CRLS1: variants seen among roughly 807,000 people sequenced by gnomAD.
The protein encoded by CRLS1 is cardiolipin synthase 1.
CRLS1 carries 24 observed loss-of-function variants against 37.0 expected under a neutral mutation model. That is an observed-to-expected ratio of 0.65 (90% CI 0.47 to 0.91). The LOEUF (loss-of-function observed/expected upper bound fraction) is 0.91, where lower values mean the gene tolerates loss of function less well. CRLS1 is among the 40% of genes least tolerant of loss of function. The pLI is 0.00. For synonymous variants in CRLS1, 135 were observed against 159.7 expected (o/e 0.85, Z 1.17); for missense variants, 373 against 395.8 (o/e 0.94, Z 0.49).
chr20:6,032,129 T>A, intron 5 of CRLS1, 49 bp downstream of exon 5: 1 of 1,385,012 alleles, frequency 7.2e-7, no homozygotes, highest in Non-Finnish European at 1.0e-6. Flanking sequence ...AAATTTTTAT[T>A]ATACAGGATA....
At chr20:6,011,999 A>G (rs1168471459) in intron 2 of CRLS1, among the ~76,000 whole-genome samples, 4 of 149,880 alleles carry the variant, frequency 2.7e-5, no homozygotes, top group Non-Finnish European at 5.9e-5. Context: ...GATCTTTTTC[A>G]GTTACTGTAG....
intron 3 of CRLS1, among the ~76,000 whole-genome samples, chr20:6,021,142 C>T (rs144688810): frequency 6.6e-6 from 1 of 150,426 alleles, no homozygotes; most frequent in Non-Finnish European, 1.5e-5. Flanking sequence ...TCTCGGCTCA[C>T]TGCAGCCTCT....
At chr20:6,027,852 A>G (rs1300496843) in intron 3 of CRLS1, among the ~76,000 whole-genome samples, 1 of 152,186 alleles carries the variant, frequency 6.6e-6, no homozygotes, top group Non-Finnish European at 1.5e-5. Context: ...GTGTTAGGGA[A>G]CGCTTGGGGC....
intron 1 of CRLS1, among the ~76,000 whole-genome samples, chr20:6,008,123 AGAATTTTAAAAGAATCTTCAGAAATG>A (rs3834730): frequency 0.73 from 105,222 of 144,022 alleles, 39,425 homozygotes; most frequent in African/African-American, 0.91. Context: ...GATAGTTCAT[AGAATTTTAAAAGAATCTTCAGAAATG>A]GAATTTTAAA....
chr20:6,006,852 T>C, intron 1 of CRLS1: 1 of 978,522 alleles, frequency 1.0e-6, no homozygotes, highest in African/African-American at 1.7e-5. Flanking sequence ...TCGCTTGTCT[T>C]ACTAAAAGCC....
chr20:6,034,634 T>TA, intron 6 of CRLS1, 79 bp downstream of exon 6: 1 of 1,062,036 alleles, frequency 9.4e-7, no homozygotes, highest in Non-Finnish European at 1.4e-6. Flanking sequence ...ACCTTGTTCT[T>TA]ACAGCATTTG....
In CRLS1 at chr20:6,006,320, C is replaced by G; in HGVS notation, c.74C>G (p.Pro25Arg). 9 of 1,338,092 alleles carry G rather than the reference C, an allele frequency of 6.7e-6. No homozygotes were observed. Among genetic ancestry groups the G allele is most frequent in the Non-Finnish European group, 8.6e-6 (9 of 1,044,130 alleles). 82.9% of individuals were successfully genotyped at this position (1,338,092 alleles called of 1,614,324 possible). A position where few individuals can be genotyped will look rare whatever the true frequency, so the allele number is the denominator to read the frequency against. Residue 25 changes from proline to arginine, a missense_variant, in exon 1 of 7, where the codon CCG becomes CGG. Coordinates refer to ENST00000378863, the MANE Select transcript of CRLS1 (RefSeq NM_019095.6). ...RGAAWAPGTR[P>R]SKRRACWALL... ...GCCGCTTGGGCTCCGGGAACGCGGC[C>G]GAGTAAGCGACGCGCCTGCTGGGCC...
rs185669705 is a variant in CRLS1, at chr20:6,011,185, G to A, written c.444+1273G>A. On this transcript the variant is annotated intron_variant, in intron 2 of 6. Coordinates refer to ENST00000378863, the MANE Select transcript of CRLS1 (RefSeq NM_019095.6). ...GATCTATATGAGCATCCAGACAGGC[G>A]GTGCTTTGGTGCCTCTTCAAACTAA... Among the ~76,000 whole-genome samples the A allele has an allele frequency of 1.6e-4, 25 of 152,194 alleles. No homozygotes were observed. The East Asian group carries it at 2.9e-3, about 18-fold the overall frequency.
intron 3 of CRLS1, among the ~76,000 whole-genome samples, chr20:6,021,497 A>G (rs997426878): frequency 6.6e-6 from 1 of 152,186 alleles, no homozygotes; most frequent in Non-Finnish European, 1.5e-5. Context: ...ACCTTAAAAT[A>G]TATTTTGTGG....
At chr20:6,027,117 T>C (rs1232346156) in intron 3 of CRLS1, among the ~76,000 whole-genome samples, 1 of 149,212 alleles carries the variant, frequency 6.7e-6, no homozygotes, top group Non-Finnish European at 1.5e-5. Flanking sequence ...GGAGTTTCGC[T>C]CTGTCACCTA....
chr20:6,006,421 C>G lies in CRLS1; in HGVS notation c.175C>G (p.Arg59Gly). ...GCTGCGTCCGGCCGCTCTTGGCTTG[C>G]GGCTGCCCGGGATCGGCCAGCGGAA... ...WRLRPAALGL[R>G]LPGIGQRNHC... is the part of the protein sequence containing the mutation. The change falls in exon 1 of 7, where the codon CGG (arginine) becomes GGG (glycine). Residue 59 changes from arginine (R) to glycine (G), a missense_variant. Arg to Gly is a moderately radical substitution (Grantham distance 125). Coordinates refer to ENST00000378863, the MANE Select transcript of CRLS1 (RefSeq NM_019095.6). 7.1e-7 allele frequency: 1 copy of G among 1,407,938 alleles called. No individual in the cohort carries two copies. Among genetic ancestry groups the G allele is most frequent in the African/African-American group, 1.5e-5 (1 of 67,278 alleles). 87.2% of individuals were successfully genotyped at this position (1,407,938 alleles called of 1,614,324 possible).
chr20:6,030,078 T>C (rs6076913), intron 3 of CRLS1, among the ~76,000 whole-genome samples: 14,144 of 152,074 alleles, frequency 0.093, 856 homozygotes, highest in Middle Eastern at 0.21. Context: ...TTTATTTATT[T>C]GAAATAGTTT....
rs189337975 is a variant in CRLS1 at position 6,024,895 on chromosome 20, A to G, written c.575-6390A>G. Among the ~76,000 whole-genome samples the G allele has an allele frequency of 6.6e-5, 10 of 152,322 alleles. No homozygotes were observed. The East Asian group carries it at 1.7e-3, about 26-fold the overall frequency. On this transcript the variant is annotated intron_variant, in intron 3 of 6. Transcript: ENST00000378863. ...TAATCTATAATAGATCAAGGCCCTA[A>G]GTCTCTTCCATTCCTTGAAGGCACA...
chr20:6,012,712 G>A (rs1220811701), intron 2 of CRLS1, among the ~76,000 whole-genome samples: 5 of 152,162 alleles, frequency 3.3e-5, no homozygotes, highest in Non-Finnish European at 7.4e-5. Flanking sequence ...TCGTTACAGA[G>A]AGAGAAATTT....
chr20:6,009,700 C>T (rs2090106859), intron 1 of CRLS1, 75 bp from the exon 2 acceptor site: 4 of 1,152,838 alleles, frequency 3.5e-6, no homozygotes, highest in Non-Finnish European at 4.7e-6. Context: ...GTATATTTTT[C>T]TAATGTATGT....
At position 6,037,145 on chromosome 20, in the gene CRLS1, TGA is replaced by T; in HGVS notation, c.894_895del (p.Ile299LysfsTer11). 6.2e-7 allele frequency: 1 copy of T among 1,612,742 alleles called. No homozygotes were observed. Among genetic ancestry groups the T allele is most frequent in the Non-Finnish European group, 8.5e-7 (1 of 1,179,014 alleles). ...CATTATGGCCGGAAGACTGTTCAGG[TGA>T]TAAAAGACTGATGAAAGTCATCCCT... is the stretch of plus-strand genomic sequence containing the variant. On this transcript the variant is annotated frameshift_variant, in exon 7 of 7. Transcript: ENST00000378863. LOFTEE classifies it high-confidence loss of function.
chr20:6,016,474 T>TGTGAGA (rs11474595), intron 3 of CRLS1, among the ~76,000 whole-genome samples: 31 of 151,328 alleles, frequency 2.0e-4, no homozygotes, highest in African/African-American at 5.3e-4. Context: ...TGTGTGTGTG[T>TGTGAGA]GAGTTTTCTT....
chr20:6,006,257 T>TGCGCGTG lies in CRLS1; in HGVS notation c.17_23dup (p.Ser10AlafsTer20), dbSNP rs1035411056. The TGCGCGTG allele has an allele frequency of 3.2e-6, 4 of 1,249,254 alleles. No individual in the cohort carries two copies. The highest frequency in any genetic ancestry group is 1.6e-5 in the African/African-American group (1 of 63,856). 77.4% of individuals were successfully genotyped at this position (1,249,254 alleles called of 1,614,324 possible). On this transcript the variant is annotated frameshift_variant, in exon 1 of 7. Coordinates refer to ENST00000378863, the MANE Select transcript of CRLS1 (RefSeq NM_019095.6). ...CGCGGCCGCAGGGCCATGCTAGCCT[T>TGCGCGTG]GCGCGTGGCGCGCGGCTCGTGGGGG...
At chr20:6,014,495 A>T (rs988775158) in intron 2 of CRLS1, among the ~76,000 whole-genome samples, 1 of 152,196 alleles carries the variant, frequency 6.6e-6, no homozygotes, top group Admixed American at 6.5e-5. Context: ...TTGAAACTTG[A>T]AGTTAAATGA....
Sources: gnomAD v4.1 joint callset for allele counts (sites outside exome capture counted in the v4.1 genomes callset) on GRCh38, gnomAD v4.1.1 for gene constraint, MANE v1.5 for transcripts, NCBI Gene and HGNC (gene_info 2026-07-23, HGNC 2026-07-21) for gene names.